Variants in NUSAP1 observed in about 807,000 individuals in gnomAD.
NUSAP1 encodes the protein nucleolar and spindle associated protein 1, also known as nucleolar and spindle-associated protein 1.
A neutral mutation model predicts 52.8 loss-of-function variants in NUSAP1; 32 were observed. That is an observed-to-expected ratio of 0.61 (90% CI 0.46 to 0.81). The LOEUF (loss-of-function observed/expected upper bound fraction) is 0.81, where lower values mean the gene tolerates loss of function less well. NUSAP1 is among the 40% of genes least tolerant of loss of function. The pLI is 0.00. For missense variants in NUSAP1, 499 were observed against 522.3 expected (o/e 0.96, Z 0.43); for synonymous variants, 195 against 183.1 (o/e 1.06, Z -0.52).
intron 8 of NUSAP1, among the ~76,000 whole-genome samples, chr15:41,374,707 A>T (rs1372210610): frequency 6.6e-6 from 1 of 151,022 alleles, no homozygotes; most frequent in African/African-American, 2.4e-5. Context: ...TTTGTATTTT[A>T]GTAGACACGG....
chr15:41,354,506 A>T (rs1349753762), intron 4 of NUSAP1, among the ~76,000 whole-genome samples: 1 of 151,858 alleles, frequency 6.6e-6, no homozygotes, highest in African/African-American at 2.4e-5. Context: ...CCGTCTCAAA[A>T]CAAACAAATG....
chr15:41,377,354 C>A, intron 10 of NUSAP1, 50 bp downstream of exon 10: 2 of 1,000,488 alleles, frequency 2.0e-6, no homozygotes, highest in Non-Finnish European at 1.5e-6. Context: ...TCAAAAGCAG[C>A]ACCTCTGAGG....
chr15:41,335,251 T>C (rs1286967903), intron 1 of NUSAP1, among the ~76,000 whole-genome samples: 1 of 140,006 alleles, frequency 7.1e-6, no homozygotes, highest in East Asian at 2.0e-4. Flanking sequence ...ATAAAATTTA[T>C]AATTTATACT....
At chr15:41,354,670 G>GATATATAT (rs10541882) in intron 4 of NUSAP1, among the ~76,000 whole-genome samples, 2,000 of 146,042 alleles carry the variant, frequency 0.014, 21 homozygotes, top group African/African-American at 0.035. Context: ...TGTTTTAACC[G>GATATATAT]ATATATATAT....
chr15:41,378,396 G>A (rs1383619555), intron 10 of NUSAP1, among the ~76,000 whole-genome samples: 2 of 152,176 alleles, frequency 1.3e-5, no homozygotes, highest in East Asian at 1.9e-4. Context: ...GCAAGTCATG[G>A]TTGGGCCCAG....
At chr15:41,335,934 A>G (rs2048110626) in intron 1 of NUSAP1, among the ~76,000 whole-genome samples, 1 of 150,556 alleles carries the variant, frequency 6.6e-6, no homozygotes, top group African/African-American at 2.4e-5. Flanking sequence ...TTTTAATCAA[A>G]TCTTGATAAT....
intron 1 of NUSAP1, among the ~76,000 whole-genome samples, chr15:41,334,616 A>G (rs1444586749): frequency 6.6e-6 from 1 of 152,126 alleles, no homozygotes; most frequent in Non-Finnish European, 1.5e-5. Context: ...TGCATCCCTG[A>G]ACACTTGGCA....
intron 4 of NUSAP1, among the ~76,000 whole-genome samples, chr15:41,354,360 C>G (rs1441424409): frequency 6.6e-6 from 1 of 152,046 alleles, no homozygotes; most frequent in Non-Finnish European, 1.5e-5. Flanking sequence ...CAAAAATTAG[C>G]CGGGTGTGGT....
intron 4 of NUSAP1, among the ~76,000 whole-genome samples, chr15:41,354,928 GAGAATGGCTTT>G (rs1166712189): frequency 1.3e-5 from 2 of 150,984 alleles, no homozygotes; most frequent in Non-Finnish European, 2.9e-5. Flanking sequence ...GCTGAGGCAG[GAGAATGGCTTT>G]AACCCGGGAG....
intron 8 of NUSAP1, among the ~76,000 whole-genome samples, chr15:41,372,676 A>G (rs1437420007): frequency 2.6e-5 from 4 of 152,166 alleles, no homozygotes; most frequent in African/African-American, 9.6e-5. Context: ...ACAGTGGGAT[A>G]GCTTGAACAC....
At chr15:41,367,707 G>T (rs2049477882) in intron 7 of NUSAP1, among the ~76,000 whole-genome samples, 1 of 152,158 alleles carries the variant, frequency 6.6e-6, no homozygotes, top group South Asian at 2.1e-4. Context: ...CCGTAGTAAG[G>T]ACTGTAGGTG....
chr15:41,349,762 T>C lies in NUSAP1; in HGVS notation c.306+521T>C, dbSNP rs1030354023. ...AGCACAGTCTTTTTTTTCTTTTTTC[T>C]TTTCTTTTTTTTTTTTTTTTTGAGA... On this transcript the variant is annotated intron_variant, in intron 3 of 10. Transcript: ENST00000559596. Among the ~76,000 whole-genome samples, 3 of 142,634 alleles carry C rather than the reference T, an allele frequency of 2.1e-5. No individual in the cohort carries two copies. The South Asian group carries it at 6.7e-4, about 32-fold the overall frequency. The allele number at this position is 142,634 out of a possible 152,430, so 93.6% of individuals were successfully genotyped here. A position where few individuals can be genotyped will look rare whatever the true frequency, so the allele number is the denominator to read the frequency against.
In NUSAP1 at chr15:41,356,113, A is replaced by C. The variant is rs746443578; in HGVS notation, c.523A>C (p.Asn175His). The C allele has an allele frequency of 6.2e-7, 1 of 1,606,236 alleles. No individual in the cohort carries two copies. Among genetic ancestry groups the C allele is most frequent in the African/African-American group, 1.3e-5 (1 of 74,980 alleles). The change falls in exon 5 of 11, where the codon AAT (asparagine) becomes CAT (histidine). Residue 175 changes from asparagine (N) to histidine (H), a missense_variant. By Grantham distance (68) the Asn-to-His change is moderately conservative (BLOSUM62 1). Coordinates refer to ENST00000559596, the MANE Select transcript of NUSAP1 (RefSeq NM_016359.5). ...AGATGAGTCATCCAAACCTGGAAAA[A>C]ATAAAAGAACTGCAATCACTACTCC... is the stretch of plus-strand genomic sequence containing the variant. Reference protein sequence around the residue: ...YTDESSKPGKNKRTAITTPNF... With the variant: ...YTDESSKPGKHKRTAITTPNF...
At chr15:41,370,899 GTAA>G (rs968494927) in intron 7 of NUSAP1, among the ~76,000 whole-genome samples, 16 of 152,126 alleles carry the variant, frequency 1.1e-4, no homozygotes, top group African/African-American at 3.6e-4. Flanking sequence ...GCCAGCCTGG[GTAA>G]TAGAGCCAGA....
At chr15:41,347,237 G>A (rs2048609986) in intron 2 of NUSAP1, among the ~76,000 whole-genome samples, 1 of 152,160 alleles carries the variant, frequency 6.6e-6, no homozygotes, top group Non-Finnish European at 1.5e-5. Context: ...ACTATCAAGG[G>A]ATGGCCTGTG....
intron 6 of NUSAP1, among the ~76,000 whole-genome samples, chr15:41,364,722 G>T (rs2049316102): frequency 1.3e-5 from 2 of 152,042 alleles, no homozygotes; most frequent in Non-Finnish European, 2.9e-5. Flanking sequence ...ACAAAAATTA[G>T]CTGGGCATGG....
chr15:41,356,868 T>G (rs767532866), intron 5 of NUSAP1, among the ~76,000 whole-genome samples: 9 of 152,160 alleles, frequency 5.9e-5, no homozygotes, highest in Non-Finnish European at 1.2e-4. Flanking sequence ...CTATCTTATA[T>G]TGTTGGAACA....
At chr15:41,369,607 C>T (rs1021744332) in intron 7 of NUSAP1, among the ~76,000 whole-genome samples, 2 of 151,534 alleles carry the variant, frequency 1.3e-5, no homozygotes, top group African/African-American at 4.9e-5. Flanking sequence ...AAGATCATAC[C>T]ATTGCACTCC....
rs374551463 is a variant in NUSAP1, at chr15:41,347,813, CAAAAAAA to C, written c.163-1275_163-1269del. On this transcript the variant is annotated intron_variant, in intron 2 of 10. Coordinates refer to ENST00000559596, the MANE Select transcript of NUSAP1 (RefSeq NM_016359.5). Reference sequence around the variant, plus strand: ...TGGGCAACAGAGTGAGACTCCGTCTCAAAAAAAAAAAAAAAAGAAAGAAAACGGACTG... The same window carrying C: ...TGGGCAACAGAGTGAGACTCCGTCTCAAAAAAAAAGAAAGAAAACGGACTG... 9.7e-4 allele frequency among the ~76,000 whole-genome samples: 93 copies of C among 95,638 alleles called. 1 individual carries two copies. The highest frequency in any genetic ancestry group is 3.0e-3 in the African/African-American group (91 of 30,788). 62.7% of individuals were successfully genotyped at this position (95,638 alleles called of 152,430 possible).
Sources: gnomAD v4.1 joint callset for allele counts (sites outside exome capture counted in the v4.1 genomes callset) on GRCh38, gnomAD v4.1.1 for gene constraint, MANE v1.5 for transcripts, NCBI Gene and HGNC (gene_info 2026-07-23, HGNC 2026-07-21) for gene names.